Variants in IGF2BP2 observed in about 807,000 individuals in gnomAD.
IGF2BP2 encodes the protein insulin-like growth factor 2 mRNA-binding protein 2.
In IGF2BP2, 17 loss-of-function variants were observed where a neutral mutation model predicts 75.8. That is an observed-to-expected ratio of 0.22 (90% CI 0.15 to 0.34). IGF2BP2 has a LOEUF of 0.34. Among genes scored for constraint, IGF2BP2 ranks in the 10% least tolerant of loss-of-function variants. IGF2BP2 has a pLI of 1.00. For missense variants in IGF2BP2, 516 were observed against 772.4 expected (o/e 0.67, Z 3.93); for synonymous variants, 288 against 295.6 (o/e 0.97, Z 0.26).
At chr3:185,780,935 ACAC>A (rs928114013) in intron 2 of IGF2BP2, among the ~76,000 whole-genome samples, 10 of 152,276 alleles carry the variant, frequency 6.6e-5, no homozygotes, top group Admixed American at 3.3e-4. Flanking sequence ...CATTTCAATT[ACAC>A]CACATTTGCC....
chr3:185,755,622 G>C (rs1427473206), intron 2 of IGF2BP2, among the ~76,000 whole-genome samples: 1 of 152,212 alleles, frequency 6.6e-6, no homozygotes, highest in Admixed American at 6.5e-5. Context: ...GCTGCCCAAG[G>C]CCTTGGGAGT....
chr3:185,651,456 C>A (rs1269754539), intron 13 of IGF2BP2, among the ~76,000 whole-genome samples: 2 of 152,184 alleles, frequency 1.3e-5, no homozygotes. Flanking sequence ...GATCCTCCTG[C>A]CTCTGCCTCC....
At position 185,647,181 on chromosome 3, in the gene IGF2BP2, C is replaced by A; in HGVS notation, c.1594-43G>T. The stretch of plus-strand genomic sequence containing the variant: ...GCAACGGGTTGGATAGGTTCCCTCC[C>A]CGTCAACGTGGTGGGCTCAGGACGG... On this transcript the variant is annotated intron_variant, in intron 14 of 15. Coordinates refer to ENST00000382199, the MANE Select transcript of IGF2BP2 (RefSeq NM_006548.6). The surrounding 1 kb of genome is among the most constrained non-coding windows in gnomAD (Gnocchi z 4.9). The A allele has an allele frequency of 7.1e-7, 1 of 1,407,452 alleles. No homozygotes were observed. The highest frequency in any genetic ancestry group is 1.0e-6 in the Non-Finnish European group (1 of 991,496). The allele number at this position is 1,407,452 out of a possible 1,614,324, so 87.2% of individuals were successfully genotyped here.
chr3:185,694,097 C>G (rs574374298), intron 4 of IGF2BP2, among the ~76,000 whole-genome samples: 2 of 152,306 alleles, frequency 1.3e-5, no homozygotes, highest in African/African-American at 4.8e-5. Context: ...TCAGAAAGAG[C>G]TGCCACTGAG....
chr3:185,653,802 A>G (rs1431512904), intron 12 of IGF2BP2, among the ~76,000 whole-genome samples: 1 of 152,192 alleles, frequency 6.6e-6, no homozygotes, highest in Non-Finnish European at 1.5e-5. Context: ...ATCATGTTCT[A>G]AGGCAAAACC....
intron 2 of IGF2BP2, among the ~76,000 whole-genome samples, chr3:185,806,677 C>G (rs1280244655): frequency 6.6e-6 from 1 of 152,152 alleles, no homozygotes; most frequent in Non-Finnish European, 1.5e-5. Context: ...CTAAGTTTGG[C>G]AAAATGCTCA....
chr3:185,660,186 G>T (rs888463394), intron 10 of IGF2BP2, among the ~76,000 whole-genome samples: 1 of 152,192 alleles, frequency 6.6e-6, no homozygotes, highest in Non-Finnish European at 1.5e-5. Context: ...TGACATTGCT[G>T]TTCCAGGAAA....
intron 2 of IGF2BP2, among the ~76,000 whole-genome samples, chr3:185,801,551 G>C (rs551772714): frequency 6.6e-6 from 1 of 150,732 alleles, no homozygotes; most frequent in African/African-American, 2.4e-5. Context: ...TGGAGAAATA[G>C]GAACACTTTT....
intron 2 of IGF2BP2, among the ~76,000 whole-genome samples, chr3:185,807,654 G>T (rs189222807): frequency 1.3e-5 from 2 of 152,300 alleles, no homozygotes; most frequent in Non-Finnish European, 2.9e-5. Context: ...TAGAGTATGG[G>T]CTGGACTTCA....
At chr3:185,801,255 C>T (rs899009730) in intron 2 of IGF2BP2, among the ~76,000 whole-genome samples, 3 of 151,996 alleles carry the variant, frequency 2.0e-5, no homozygotes, top group East Asian at 1.9e-4. Context: ...TTTGGGAGGC[C>T]GAGGCAGGTG....
intron 2 of IGF2BP2, among the ~76,000 whole-genome samples, chr3:185,785,619 G>C (rs1735784517): frequency 6.6e-6 from 1 of 150,948 alleles, no homozygotes; most frequent in Non-Finnish European, 1.5e-5. Context: ...TGGAGTTTGA[G>C]ACCAGCCTGG....
chr3:185,659,621 C>T (rs1716084536), intron 10 of IGF2BP2, among the ~76,000 whole-genome samples: 1 of 151,858 alleles, frequency 6.6e-6, no homozygotes, highest in African/African-American at 2.4e-5. Flanking sequence ...GGTGATCTAC[C>T]CGCCTTAGCC....
intron 2 of IGF2BP2, among the ~76,000 whole-genome samples, chr3:185,799,154 T>A (rs796535938): frequency 2.0e-5 from 3 of 147,698 alleles, no homozygotes; most frequent in African/African-American, 7.5e-5. Context: ...AATCTCAACA[T>A]ATTGGGAGGT....
chr3:185,653,775 T>C (rs770754794), intron 12 of IGF2BP2, among the ~76,000 whole-genome samples: 4 of 152,094 alleles, frequency 2.6e-5, no homozygotes, highest in Non-Finnish European at 4.4e-5. Flanking sequence ...ACAAGAAACA[T>C]GGTCAATGAC....
intron 14 of IGF2BP2, among the ~76,000 whole-genome samples, chr3:185,649,036 T>G (rs991431222): frequency 4.0e-5 from 6 of 151,802 alleles, no homozygotes; most frequent in Admixed American, 1.3e-4. Context: ...TTTCCAATTT[T>G]AATGGCTGCT....
Position 185,649,470 on chromosome 3 carries a change from T to G in IGF2BP2, c.1526A>C (p.Lys509Thr), listed in dbSNP as rs1487178467. 2 of 1,614,156 alleles carry G rather than the reference T, an allele frequency of 1.2e-6. No individual in the cohort carries two copies. Among genetic ancestry groups the G allele is most frequent in the Admixed American group, 1.7e-5 (1 of 60,022 alleles). ...ENFFNPKEEVKLEAHIRVPSS... is the reference protein window; with the variant it reads ...ENFFNPKEEVTLEAHIRVPSS... ...GGGCACTCTGATATGCGCTTCCAGC[T>G]TCACTTCTTCTTTGGGGTTAAAGAA... The change falls in exon 14 of 16, where the codon AAG becomes ACG. Residue 509 changes from lysine to threonine, a missense_variant. By Grantham distance (78) the Lys-to-Thr change is moderately conservative (BLOSUM62 -1). Coordinates refer to ENST00000382199, the MANE Select transcript of IGF2BP2 (RefSeq NM_006548.6).
chr3:185,774,603 A>AAG (rs941523532), intron 2 of IGF2BP2, among the ~76,000 whole-genome samples: 6 of 151,074 alleles, frequency 4.0e-5, no homozygotes, highest in Non-Finnish European at 5.9e-5. Flanking sequence ...TCAAAAAAAA[A>AAG]AAAAGAAAAG....
At chr3:185,761,327 C>T (rs944985495) in intron 2 of IGF2BP2, among the ~76,000 whole-genome samples, 2 of 152,088 alleles carry the variant, frequency 1.3e-5, no homozygotes, top group East Asian at 1.9e-4. Flanking sequence ...GAGAACTAAA[C>T]GTAACAGACT....
intron 6 of IGF2BP2, among the ~76,000 whole-genome samples, chr3:185,688,758 T>G (rs940117766): frequency 6.6e-6 from 1 of 152,216 alleles, no homozygotes; most frequent in African/African-American, 2.4e-5. Flanking sequence ...CGTAAGTCTT[T>G]GTTTTCAAGT....
Sources: allele counts gnomAD v4.1 joint callset (sites outside exome capture counted in the v4.1 genomes callset), GRCh38; gene constraint gnomAD v4.1.1; non-coding constraint Gnocchi (gnomAD v3.1); transcripts MANE v1.5; gene names NCBI Gene and HGNC (gene_info 2026-07-23, HGNC 2026-07-21).